Variants in KLHL13 observed in about 807,000 individuals in gnomAD.
KLHL13 encodes the protein kelch-like protein 13.
In KLHL13, 10 loss-of-function variants were observed where a neutral mutation model predicts 37.1. That is an observed-to-expected ratio of 0.27 (90% CI 0.17 to 0.46). KLHL13 has a LOEUF of 0.46. KLHL13 is among the 20% of genes least tolerant of loss of function. KLHL13 has a pLI of 1.00. For synonymous variants in KLHL13, 163 were observed against 181.2 expected (o/e 0.90, Z 0.81); for missense variants, 360 against 509.3 (o/e 0.71, Z 2.82).
chrX:117,929,137 C>A (rs1490705058), intron 2 of KLHL13, among the ~76,000 whole-genome samples: 1 of 112,115 alleles, frequency 8.9e-6, no homozygotes, highest in African/African-American at 3.2e-5. Flanking sequence ...TTAGAAGAAA[C>A]AGATAAACTA....
chrX:117,923,965 G>C (rs775154090), intron 2 of KLHL13, among the ~76,000 whole-genome samples: 2 of 111,613 alleles, frequency 1.8e-5, no homozygotes, highest in East Asian at 2.8e-4. Context: ...TTTATTCCAC[G>C]CTTAATGTAT....
chrX:118,000,534 T>C (rs2053909031), intron 1 of KLHL13, among the ~76,000 whole-genome samples: 1 of 111,979 alleles, frequency 8.9e-6, no homozygotes, highest in Non-Finnish European at 1.9e-5. Flanking sequence ...AGTTTTGGAT[T>C]TTGTGGACCA....
At chrX:118,098,493 C>G (rs2055241235) in intron 1 of KLHL13, among the ~76,000 whole-genome samples, 1 of 111,096 alleles carries the variant, frequency 9.0e-6, no homozygotes, top group East Asian at 2.8e-4. Flanking sequence ...TAAACTAGTT[C>G]AACCATGGTG....
At chrX:117,983,874 C>T (rs1289184497) in intron 1 of KLHL13, among the ~76,000 whole-genome samples, 1 of 111,428 alleles carries the variant, frequency 9.0e-6, no homozygotes, top group South Asian at 3.7e-4. Flanking sequence ...CAAGGAGACA[C>T]TTTTCCAGTA....
At position 118,011,073 on chromosome X, in the gene KLHL13, A is replaced by AAAATAAAT. The variant is rs746728611; in HGVS notation, c.-55-65506_-55-65499dup. On this transcript the variant is annotated intron_variant, in intron 1 of 6. Coordinates refer to the KLHL13 transcript ENST00000371882. Reference sequence around the variant, plus strand: ...GGGTGACAGAGTGAGACACTGTCTCAAAATAAATAAATAAATAAATAAATA... The same window carrying AAAATAAAT: ...GGGTGACAGAGTGAGACACTGTCTCAAAATAAATAAATAAATAAATAAATAAATAAATA... Among the ~76,000 whole-genome samples, 21 of 108,378 alleles carry AAAATAAAT rather than the reference A, an allele frequency of 1.9e-4. No homozygotes were observed. The South Asian group carries it at 3.6e-3, about 19-fold the overall frequency. The allele number at this position is 108,378 out of a possible 115,157, so 94.1% of individuals were successfully genotyped here. A position where few individuals can be genotyped will look rare whatever the true frequency, so the allele number is the denominator to read the frequency against.
intron 1 of KLHL13, among the ~76,000 whole-genome samples, chrX:118,032,632 A>G (rs962072306): frequency 3.6e-5 from 4 of 111,487 alleles, no homozygotes; most frequent in Non-Finnish European, 5.6e-5. Context: ...AAAACCACAA[A>G]GATGGGGAAA....
chrX:118,106,029 G>A (rs1462808230), intron 1 of KLHL13, among the ~76,000 whole-genome samples: 1 of 103,006 alleles, frequency 9.7e-6, no homozygotes, highest in African/African-American at 3.6e-5. Flanking sequence ...AGCCTCCCGA[G>A]TAGCTGGGAC....
intron 1 of KLHL13, among the ~76,000 whole-genome samples, chrX:117,954,130 C>T (rs928014493): frequency 2.7e-5 from 3 of 111,727 alleles, no homozygotes; most frequent in African/African-American, 9.8e-5. Context: ...AAGTTAATTA[C>T]CCAAATCAAA....
chrX:118,032,443 A>G (rs749241392), intron 1 of KLHL13, among the ~76,000 whole-genome samples: 104 of 111,649 alleles, frequency 9.3e-4, no homozygotes, highest in African/African-American at 1.1e-3. Flanking sequence ...CCTGACCCCC[A>G]AGCAGCCTAA....
chrX:118,014,976 G>A (rs1009161728), intron 1 of KLHL13, among the ~76,000 whole-genome samples: 34 of 111,970 alleles, frequency 3.0e-4, no homozygotes, highest in African/African-American at 8.1e-4. Context: ...AACAGTAAGC[G>A]CTTCCATTTA....
chrX:118,082,934 T>C (rs2055012427), intron 1 of KLHL13, among the ~76,000 whole-genome samples: 1 of 111,832 alleles, frequency 8.9e-6, no homozygotes, highest in African/African-American at 3.2e-5. Flanking sequence ...TTCTAGGTTC[T>C]ATATTCTGTT....
At chrX:117,901,754 A>T in intron 6 of KLHL13, 79 bp downstream of exon 7, 1 of 448,393 alleles carries the variant, frequency 2.2e-6, no homozygotes, top group Non-Finnish European at 3.8e-6. Flanking sequence ...TATTATTATT[A>T]TTACTACCAC....
In KLHL13 at chrX:118,067,272, TA is replaced by T. The variant is rs754525950; in HGVS notation, c.-56+49235del. Reference sequence around the variant, plus strand: ...TGCAGTAAAAATACAGTATAAAAGATAAAAAATGGTACACCTGTATAGGGCA... The same window carrying T: ...TGCAGTAAAAATACAGTATAAAAGATAAAAATGGTACACCTGTATAGGGCA... On this transcript the variant is annotated intron_variant, in intron 1 of 6. Transcript: ENST00000371882. Among the ~76,000 whole-genome samples, 51 of 111,414 alleles carry T rather than the reference TA, an allele frequency of 4.6e-4. 1 individual carries two copies. The East Asian group carries it at 0.014, about 31-fold the overall frequency.
intron 1 of KLHL13, among the ~76,000 whole-genome samples, chrX:117,952,343 C>T (rs1285732547): frequency 1.8e-5 from 2 of 110,652 alleles, no homozygotes; most frequent in African/African-American, 3.3e-5. Context: ...GGAAAACTGG[C>T]TAGCCATATG....
At position 118,051,872 on chromosome X, in the gene KLHL13, C is replaced by T. The variant is rs955983104; in HGVS notation, c.-56+64636G>A. ...AATAAGCTTAAAAAAGAAAAATAAG[C>T]AATAAACATCATGGCTGGTGTTTGG... On this transcript the variant is annotated intron_variant, in intron 1 of 6. Transcript: ENST00000371882. Among the ~76,000 whole-genome samples, 12 of 111,008 alleles carry T rather than the reference C, an allele frequency of 1.1e-4. 1 individual carries two copies. The highest frequency in any genetic ancestry group is 3.9e-4 in the African/African-American group (12 of 30,484).
chrX:118,079,341 A>G (rs2054964154), intron 1 of KLHL13, among the ~76,000 whole-genome samples: 1 of 111,044 alleles, frequency 9.0e-6, no homozygotes, highest in South Asian at 3.8e-4. Flanking sequence ...GGAAAAAAAG[A>G]AGTTAAACTA....
At chrX:117,902,035 C>T in intron 5 of KLHL13, 89 bp from the exon 7 acceptor site, 2 of 480,222 alleles carry the variant, frequency 4.2e-6, no homozygotes, top group Non-Finnish European at 7.2e-6. Flanking sequence ...GTAATAATAT[C>T]CAAACACTTG....
At chrX:118,082,762 A>AT (rs2055010651) in intron 1 of KLHL13, among the ~76,000 whole-genome samples, 1 of 111,227 alleles carries the variant, frequency 9.0e-6, no homozygotes, top group Admixed American at 9.6e-5. Context: ...TTTTGATTTG[A>AT]TTTTTTTGTA....
intron 1 of KLHL13, among the ~76,000 whole-genome samples, chrX:118,053,294 G>A (rs994421433): frequency 2.7e-5 from 3 of 111,831 alleles, no homozygotes; most frequent in Non-Finnish European, 5.6e-5. Context: ...TATACACCAC[G>A]GAATACTATG....
Sources: gnomAD v4.1 joint callset for allele counts (sites outside exome capture counted in the v4.1 genomes callset) on GRCh38, gnomAD v4.1.1 for gene constraint, MANE v1.5 for transcripts, NCBI Gene and HGNC (gene_info 2026-07-23, HGNC 2026-07-21) for gene names.